POM121: variants seen among roughly 807,000 people sequenced by gnomAD.
The protein encoded by POM121 is POM121 transmembrane nucleoporin, also known as nuclear envelope pore membrane protein POM 121.
POM121 carries 32 observed loss-of-function variants against 81.3 expected under a neutral mutation model. That is an observed-to-expected ratio of 0.39 (90% CI 0.30 to 0.53). The LOEUF is 0.53. Ranked by LOEUF, POM121 falls within the 20% of genes least tolerant of loss-of-function variation. POM121 has a pLI of 0.66. For synonymous variants in POM121, 514 were observed against 694.2 expected (o/e 0.74, Z 4.08); for missense variants, 1,138 against 1,614.6 (o/e 0.70, Z 5.06).
At chr7:72,900,697 T>A (rs28472772) in intron 3 of POM121, among the ~76,000 whole-genome samples, 2 of 151,730 alleles carry the variant, frequency 1.3e-5, no homozygotes, top group Admixed American at 1.3e-4. Context: ...AGAGATGGAG[T>A]TTTACCATGT....
At chr7:72,948,753 C>T, downstream of POM121, 1 of 1,574,090 alleles carries the variant, frequency 6.4e-7, no homozygotes, top group Non-Finnish European at 8.7e-7. Context: ...CAGTGCTCGG[C>T]ACCCGGGAAC....
At chr7:72,922,410 G>T (rs542997296), upstream of POM121, among the ~76,000 whole-genome samples, 1 of 151,988 alleles carries the variant, frequency 6.6e-6, no homozygotes, top group Admixed American at 6.6e-5. Context: ...TTGGGGGGAT[G>T]GAGTCTCACT....
At chr7:72,884,285 G>A (rs1460221411) in intron 1 of POM121, among the ~76,000 whole-genome samples, 1 of 152,056 alleles carries the variant, frequency 6.6e-6, no homozygotes, top group Admixed American at 6.6e-5. Flanking sequence ...TATTGAGTAG[G>A]CTTTTAAGCA....
At chr7:72,949,936 A>G, downstream of POM121, 1 of 1,612,754 alleles carries the variant, frequency 6.2e-7, no homozygotes, top group East Asian at 2.2e-5. Flanking sequence ...GCGGGGGTCC[A>G]GCAGCATGGC....
At chr7:72,944,107 G>A (rs1478104601) in intron 11 of POM121, among the ~76,000 whole-genome samples, 1 of 152,202 alleles carries the variant, frequency 6.6e-6, no homozygotes, top group Non-Finnish European at 1.5e-5. Flanking sequence ...TCAGGCCCAG[G>A]ATGGCGCATG....
At chr7:72,945,892 C>G (rs1391660086) in intron 12 of POM121, among the ~76,000 whole-genome samples, 184 bp downstream of exon 12, 5 of 152,178 alleles carry the variant, frequency 3.3e-5, no homozygotes, top group African/African-American at 1.2e-4. Flanking sequence ...GAGGAGCTGT[C>G]CGGGGTGGAA....
chr7:72,923,006 C>G (rs1554496274), upstream of POM121, among the ~76,000 whole-genome samples: 1 of 151,904 alleles, frequency 6.6e-6, no homozygotes, highest in Admixed American at 6.6e-5. Flanking sequence ...GTCACTGCCT[C>G]CATTTCTTCA....
At chr7:72,883,356 AT>A (rs1470282533) in intron 1 of POM121, among the ~76,000 whole-genome samples, 1 of 152,142 alleles carries the variant, frequency 6.6e-6, no homozygotes, top group Non-Finnish European at 1.5e-5. Context: ...TTCTCACTGT[AT>A]TGCTCAGGCT....
At chr7:72,929,493 T>C (rs139154141) in intron 4 of POM121, among the ~76,000 whole-genome samples, 398 of 152,334 alleles carry the variant, frequency 2.6e-3, no homozygotes, top group African/African-American at 8.8e-3. Context: ...ACTCTGATTT[T>C]TTTTTAATAG....
downstream of POM121, chr7:72,949,573 A>T (rs1441411961): frequency 1.4e-6 from 1 of 704,772 alleles, no homozygotes; most frequent in African/African-American, 1.8e-5. Context: ...AGACAACCAG[A>T]ACATGCAGGT....
chr7:72,918,448 C>G (rs1405908346), intron 4 of POM121, among the ~76,000 whole-genome samples: 3 of 152,138 alleles, frequency 2.0e-5, no homozygotes, highest in Non-Finnish European at 1.5e-5. Context: ...CTCACTGTGT[C>G]TCCTCAGCTC....
At chr7:72,944,210 AAGG>A (rs1797428878) in intron 11 of POM121, among the ~76,000 whole-genome samples, 1 of 151,532 alleles carries the variant, frequency 6.6e-6, no homozygotes, top group Admixed American at 6.6e-5. Context: ...AGTGGTGTGG[AAGG>A]AGGCCAAGAG....
chr7:72,908,064 C>CTATTGAGTTCACCCATTGAG (rs1398065142), intron 3 of POM121, among the ~76,000 whole-genome samples: 1 of 152,168 alleles, frequency 6.6e-6, no homozygotes, highest in East Asian at 1.9e-4. Context: ...CTCCATTCTG[C>CTATTGAGTTCACCCATTGAG]TATTGAGTTC....
At chr7:72,921,014 CT>C (rs1794771717), upstream of POM121, among the ~76,000 whole-genome samples, 1 of 152,014 alleles carries the variant, frequency 6.6e-6, no homozygotes, top group Non-Finnish European at 1.5e-5. Context: ...AACCCAGTCT[CT>C]ACTAAAAATA....
chr7:72,888,984 A>G lies in POM121; in HGVS notation c.-520-1643A>G, dbSNP rs142641789. ...AGATTTCCAAGTATTAAACTAGTCTATATTATTGGAATAAGTCCTATTTGT... is the reference window on the plus strand; with the variant it reads ...AGATTTCCAAGTATTAAACTAGTCTGTATTATTGGAATAAGTCCTATTTGT... On this transcript the variant is annotated intron_variant, in intron 1 of 15. Coordinates refer to the POM121 transcript ENST00000395270. Among the ~76,000 whole-genome samples, 1,107 of 152,148 alleles carry G rather than the reference A, an allele frequency of 7.3e-3. 14 individuals carry two copies. The highest frequency in any genetic ancestry group is 0.026 in the African/African-American group (1,058 of 41,468).
At chr7:72,949,888 G>A, downstream of POM121, 1 of 1,607,074 alleles carries the variant, frequency 6.2e-7, no homozygotes, top group Non-Finnish European at 8.5e-7. Flanking sequence ...GGTCTTTATT[G>A]CCTGGGGTGG....
At chr7:72,935,110 A>G (rs1586168320) in intron 5 of POM121, among the ~76,000 whole-genome samples, 1 of 151,766 alleles carries the variant, frequency 6.6e-6, no homozygotes, top group African/African-American at 2.4e-5. Flanking sequence ...TTTGGATGGA[A>G]TTAACATTGT....
chr7:72,879,383 A>G (rs73358382), exon 1 of POM121: 12,500 of 186,468 alleles, frequency 0.067, 1,653 homozygotes, highest in African/African-American at 0.28. Flanking sequence ...GCGCCTCTTC[A>G]GGTCACCGCT....
chr7:72,922,378 C>T (rs1794892700), upstream of POM121, among the ~76,000 whole-genome samples: 1 of 152,012 alleles, frequency 6.6e-6, no homozygotes, highest in Admixed American at 6.6e-5. Flanking sequence ...TGTCTTTTCC[C>T]ATATAGAAGT....
Sources: allele counts gnomAD v4.1 joint callset (sites outside exome capture counted in the v4.1 genomes callset), GRCh38; gene constraint gnomAD v4.1.1; transcripts MANE v1.5; gene names NCBI Gene and HGNC (gene_info 2026-07-23, HGNC 2026-07-21).